TSPOAP1: variants seen among roughly 807,000 people sequenced by gnomAD.
TSPOAP1 encodes the protein peripheral-type benzodiazepine receptor-associated protein 1.
In TSPOAP1, 87 loss-of-function variants were observed where a neutral mutation model predicts 197.0. The ratio of observed to expected loss-of-function variants is 0.44; its 90% CI spans 0.37 to 0.53. TSPOAP1 has a LOEUF of 0.53. Ranked by LOEUF, TSPOAP1 falls within the 20% of genes least tolerant of loss-of-function variation. The pLI, the probability that TSPOAP1 is intolerant of heterozygous loss-of-function variation, is 0.00. For missense variants in TSPOAP1, 2,174 were observed against 2,411.3 expected (o/e 0.90, Z 2.06); for synonymous variants, 913 against 998.9 (o/e 0.91, Z 1.62).
At chr17:58,307,973 A>C in intron 22 of TSPOAP1, 32 bp from the exon 23 acceptor site, 1 of 1,580,666 alleles carries the variant, frequency 6.3e-7, no homozygotes, top group Non-Finnish European at 8.6e-7. Context: ...TGGCAAAAGT[A>C]ACACACCATC....
Position 58,318,434 on chromosome 17 carries a change from C to T in TSPOAP1, c.1718G>A (p.Gly573Asp), listed in dbSNP as rs1204865958. 1 of 1,613,272 alleles carries T rather than the reference C, an allele frequency of 6.2e-7. No individual in the cohort carries two copies. Among genetic ancestry groups the T allele is most frequent in the South Asian group, 1.1e-5 (1 of 91,030 alleles). ...CTTTGGGGTGCAGCGCCCAGGGGAG[C>T]CCGGCGGGAGGTCAAGGTCTAAAGA... ...SGPKDLDLPP[G>D]SPGRCTPKSS... The change falls in exon 14 of 32, where the codon GGC becomes GAC. Residue 573 changes from glycine to aspartate, a missense_variant. By Grantham distance (94) the Gly-to-Asp change is moderately conservative (BLOSUM62 -1). Transcript: ENST00000343736.
intron 11 of TSPOAP1, 125 bp downstream of exon 11, chr17:58,320,406 G>T: frequency 8.4e-7 from 1 of 1,191,882 alleles, no homozygotes; most frequent in Non-Finnish European, 1.2e-6. Flanking sequence ...CCCAGGTCCT[G>T]GAGCATTTAA....
chr17:58,319,659 T>C (rs1430728559), intron 12 of TSPOAP1, among the ~76,000 whole-genome samples: 1 of 152,198 alleles, frequency 6.6e-6, no homozygotes, highest in African/African-American at 2.4e-5. Context: ...TTTTCTCAGC[T>C]CCACTGCTCA....
intron 13 of TSPOAP1, among the ~76,000 whole-genome samples, chr17:58,318,755 C>T (rs1291581834): frequency 6.6e-6 from 1 of 152,162 alleles, no homozygotes; most frequent in Non-Finnish European, 1.5e-5. Context: ...GTGAGTGGAG[C>T]TGGGACCACC....
Position 58,304,199 on chromosome 17 carries a change from C to T in TSPOAP1, c.*32+139G>A, listed in dbSNP as rs941144705. 5.9e-6 allele frequency: 4 copies of T among 674,852 alleles called. No individual in the cohort carries two copies. The highest frequency in any genetic ancestry group is 5.4e-5 in the African/African-American group (3 of 55,816). 41.8% of individuals were successfully genotyped at this position (674,852 alleles called of 1,614,324 possible). On this transcript the variant is annotated intron_variant, in intron 31 of 31. Coordinates refer to ENST00000343736, the MANE Select transcript of TSPOAP1 (RefSeq NM_004758.4). This position sits in a 1 kb window ranked among gnomAD's most constrained non-coding sequence, Gnocchi z 4.2. Reference sequence around the variant, plus strand: ...GATGACTCTTCATGCAAATCTGGCTCATGGCAAGCTCTCCTTCGCCATTCC... The same window carrying T: ...GATGACTCTTCATGCAAATCTGGCTTATGGCAAGCTCTCCTTCGCCATTCC...
At position 58,324,170 on chromosome 17, in the gene TSPOAP1, T is replaced by A. The variant is rs1307156315; in HGVS notation, c.943-625A>T. Among the ~76,000 whole-genome samples the A allele has an allele frequency of 6.6e-6, 1 of 151,572 alleles. No individual in the cohort carries two copies. The highest frequency in any genetic ancestry group is 2.4e-5 in the African/African-American group (1 of 41,186). ...CAAGAAGCCTCCCCCCACCCGGAGGTCTTGGTCACTATCAGATCACTGCCT... is the reference window on the plus strand; with the variant it reads ...CAAGAAGCCTCCCCCCACCCGGAGGACTTGGTCACTATCAGATCACTGCCT... On this transcript the variant is annotated intron_variant, in intron 5 of 31. Coordinates refer to ENST00000343736, the MANE Select transcript of TSPOAP1 (RefSeq NM_004758.4). The surrounding 1 kb of genome is among the most constrained non-coding windows in gnomAD (Gnocchi z 5.8).
intron 22 of TSPOAP1, among the ~76,000 whole-genome samples, chr17:58,308,319 A>G (rs1222300178): frequency 3.9e-5 from 6 of 152,264 alleles, no homozygotes; most frequent in Non-Finnish European, 8.8e-5. Context: ...AGGCCGCAAC[A>G]GGCGACTAGT....
Position 58,304,459 on chromosome 17 carries a change from C to A in TSPOAP1, c.5545-60G>T. On this transcript the variant is annotated intron_variant, in intron 30 of 31. Transcript: ENST00000343736. This position sits in a 1 kb window ranked among gnomAD's most constrained non-coding sequence, Gnocchi z 4.2. The stretch of plus-strand genomic sequence containing the variant: ...CCGACAGACCCGCACCTTCTCCGCC[C>A]GGCCACCAGGTGGCCCTGCGCAGGG... The A allele has an allele frequency of 6.8e-7, 1 of 1,468,970 alleles. No homozygotes were observed. The highest frequency in any genetic ancestry group is 9.5e-7 in the Non-Finnish European group (1 of 1,048,150). 91.0% of individuals were successfully genotyped at this position (1,468,970 alleles called of 1,614,324 possible).
chr17:58,316,376 C>T lies in TSPOAP1; in HGVS notation c.1988+49G>A, dbSNP rs200351098. ...CAGCTCCACCCGGCCCCCTCCTATACCCCAAATGCTGGGGCTGGGCTAGGG... is the reference window on the plus strand; with the variant it reads ...CAGCTCCACCCGGCCCCCTCCTATATCCCAAATGCTGGGGCTGGGCTAGGG... On this transcript the variant is annotated intron_variant, in intron 15 of 31. Transcript: ENST00000343736. The T allele has an allele frequency of 3.5e-4, 535 of 1,533,228 alleles. 2 individuals carry two copies. The African/African-American group carries it at 6.5e-3, about 19-fold the overall frequency. The allele number at this position is 1,533,228 out of a possible 1,614,324, so 95.0% of individuals were successfully genotyped here.
chr17:58,327,192 C>T (rs1971651211), intron 1 of TSPOAP1, among the ~76,000 whole-genome samples: 1 of 152,152 alleles, frequency 6.6e-6, no homozygotes, highest in Non-Finnish European at 1.5e-5. Flanking sequence ...AAGCCCCCTC[C>T]CCTCAATCTA....
At chr17:58,316,592 C>T in intron 14 of TSPOAP1, 52 bp from the exon 15 acceptor site, 1 of 1,475,560 alleles carries the variant, frequency 6.8e-7, no homozygotes, top group Middle Eastern at 1.8e-4. Flanking sequence ...GGGCCAAGCG[C>T]CAAGCAGGCA....
At chr17:58,306,646 G>A (rs1197234811) in intron 25 of TSPOAP1, 154 bp downstream of exon 25, 1 of 1,054,586 alleles carries the variant, frequency 9.5e-7, no homozygotes, top group East Asian at 2.6e-5. Flanking sequence ...CCCACGTACA[G>A]TCTGACCACT....
At chr17:58,302,877 G>A (rs1301951782) in intron 31 of TSPOAP1, 2 of 153,726 alleles carry the variant, frequency 1.3e-5, no homozygotes, top group East Asian at 3.8e-4. Flanking sequence ...TGCCCAGGAA[G>A]GTAGCTTCTA....
chr17:58,316,513 G>T lies in TSPOAP1; in HGVS notation c.1900C>A (p.Leu634Met), dbSNP rs1971240544. Residue 634 changes from leucine (L) to methionine (M), a missense_variant, in exon 15 of 32, where the codon CTG (leucine) becomes ATG (methionine). Transcript: ENST00000343736. ...EVDTASEVEE[L>M]EADSVSLLPA... ...AGCAGGGAGACACTGTCTGCCTCCA[G>T]CTCCTCTACCTCACTGGCTGTGTCC... 2.5e-6 allele frequency: 4 copies of T among 1,613,218 alleles called. No individual in the cohort carries two copies. The highest frequency in any genetic ancestry group is 1.6e-4 in the Middle Eastern group (1 of 6,080).
intron 10 of TSPOAP1, 26 bp from the exon 11 acceptor site, chr17:58,320,607 TGG>T: frequency 7.2e-7 from 1 of 1,397,422 alleles, no homozygotes; most frequent in Non-Finnish European, 9.4e-7. Flanking sequence ...ACCAAAATAC[TGG>T]AGGGAAGGAG....
intron 28 of TSPOAP1, 38 bp from the exon 29 acceptor site, chr17:58,305,496 G>T: frequency 6.2e-7 from 1 of 1,612,544 alleles, no homozygotes; most frequent in Non-Finnish European, 8.5e-7. Flanking sequence ...GCCCAGGAAG[G>T]CTCTGCCACC....
chr17:58,303,244 C>T (rs1187813575), intron 31 of TSPOAP1: 1 of 152,480 alleles, frequency 6.6e-6, no homozygotes, highest in Non-Finnish European at 1.5e-5. Context: ...ATGTTCCCAC[C>T]TTCACCTCTG....
At position 58,323,460 on chromosome 17, in the gene TSPOAP1, G is replaced by T. The variant is rs752713510; in HGVS notation, c.1020+8C>A. ...CAGGCTGCCTCCAGCCCTTGACCTA[G>T]GACTTACCAGCTGCTGCACCCTCTG... On this transcript the variant is annotated splice_region_variant and intron_variant, in intron 6 of 31. Coordinates refer to ENST00000343736, the MANE Select transcript of TSPOAP1 (RefSeq NM_004758.4). The T allele has an allele frequency of 6.2e-7, 1 of 1,614,232 alleles. No individual in the cohort carries two copies. The highest frequency in any genetic ancestry group is 8.5e-7 in the Non-Finnish European group (1 of 1,180,018).
intron 14 of TSPOAP1, 42 bp from the exon 15 acceptor site, chr17:58,316,582 G>C: frequency 6.5e-7 from 1 of 1,529,928 alleles, no homozygotes; most frequent in Non-Finnish European, 8.9e-7. Flanking sequence ...TCAGGGCCTG[G>C]GGCCAAGCGC....
Sources: gnomAD v4.1 joint callset for allele counts (sites outside exome capture counted in the v4.1 genomes callset) on GRCh38, gnomAD v4.1.1 for gene constraint, Gnocchi (gnomAD v3.1) non-coding constraint, MANE v1.5 for transcripts, NCBI Gene and HGNC (gene_info 2026-07-23, HGNC 2026-07-21) for gene names.